DSC2: variants seen among roughly 807,000 people sequenced by gnomAD.
DSC2 encodes desmocollin 2, also known as desmocollin-2.
Under a neutral mutation model 87.6 loss-of-function variants are expected in DSC2, and 51 were observed. The observed-to-expected ratio is 0.58, with a 90% CI of 0.46 to 0.74. The LOEUF is 0.74. Ranked by LOEUF, DSC2 falls within the 30% of genes least tolerant of loss-of-function variation. The pLI is 0.00. For missense variants in DSC2, 1,066 were observed against 1,089.5 expected (o/e 0.98, Z 0.30); for synonymous variants, 383 against 393.2 (o/e 0.97, Z 0.31).
chr18:31,098,420 A>G (rs1987831399), intron 1 of DSC2, among the ~76,000 whole-genome samples: 1 of 152,090 alleles, frequency 6.6e-6, no homozygotes, highest in Non-Finnish European at 1.5e-5. Context: ...AGCCATATAC[A>G]ATGTTTATGG....
chr18:31,085,876 G>A (rs1346638762), intron 7 of DSC2, among the ~76,000 whole-genome samples: 2 of 152,042 alleles, frequency 1.3e-5, no homozygotes, highest in African/African-American at 2.4e-5. Flanking sequence ...CTAAGTGAAT[G>A]AATTACTAAG....
intron 7 of DSC2, among the ~76,000 whole-genome samples, chr18:31,085,438 CTGT>C (rs893810215): frequency 5.3e-5 from 8 of 151,460 alleles, no homozygotes; most frequent in Non-Finnish European, 1.2e-4. Flanking sequence ...AGAATTTTAA[CTGT>C]TAACATGTAA....
Position 31,086,651 on chromosome 18 carries a change from T to A in DSC2, c.867A>T (p.Pro289=). 1 of 1,614,204 alleles carries A rather than the reference T, an allele frequency of 6.2e-7. No individual in the cohort carries two copies. The highest frequency in any genetic ancestry group is 8.5e-7 in the Non-Finnish European group (1 of 1,180,026). ...RLKYSIIGQV[P]PSPTLFSMHP... is the part of the protein sequence containing the mutation. ...GCATAGAAAATAGGGTGGGTGATGG[T>A]GGCACCTGCCCAATGATGGAGTACT... Residue 289 remains proline (P), a synonymous_variant, in exon 7 of 16, where the codon CCA becomes CCT. Transcript: ENST00000280904.
At position 31,087,757 on chromosome 18, in the gene DSC2, T is replaced by C. The variant is rs371192108; in HGVS notation, c.687A>G (p.Leu229=). 8.1e-6 allele frequency: 13 copies of C among 1,613,746 alleles called. No homozygotes were observed. Among genetic ancestry groups the C allele is most frequent in the African/African-American group, 1.3e-5 (1 of 74,930 alleles). ...DGYTPELPLP[L]IIKIEDENDN... is the part of the protein sequence containing the mutation. Reference sequence around the variant, plus strand: ...CATTTTCATCCTCTATTTTGATTATTAGGGGCAGTGGAAGTTCTGGAGTAT... The same window carrying C: ...CATTTTCATCCTCTATTTTGATTATCAGGGGCAGTGGAAGTTCTGGAGTAT... Residue 229 remains leucine, a synonymous_variant, in exon 6 of 16, where the codon CTA becomes CTG. Transcript: ENST00000280904.
chr18:31,075,022 GA>G, intron 11 of DSC2, 115 bp from the exon 12 acceptor site: 1 of 1,114,384 alleles, frequency 9.0e-7, no homozygotes, highest in South Asian at 1.3e-5. Context: ...AAGTTACAAT[GA>G]CAAGCAGTCA....
At chr18:31,089,653 A>G (rs1479695608) in intron 4 of DSC2, 59 bp from the exon 5 acceptor site, 2 of 1,523,624 alleles carry the variant, frequency 1.3e-6, no homozygotes, top group African/African-American at 1.4e-5. Flanking sequence ...GCTTTCATCT[A>G]TATATTTATG....
chr18:31,089,569 T>C lies in DSC2; in HGVS notation c.500A>G (p.Tyr167Cys). ...ACCTCTTATGGAATAGTATATGGTA[T>C]AGTTTTGGGCCGTGTCAGATTGAAC... ...QQVQSDTAQN[Y>C]TIYYSIRGPG... is the part of the protein sequence containing the mutation. The change falls in exon 5 of 16, where the codon TAT becomes TGT. Residue 167 changes from tyrosine (Y) to cysteine (C), a missense_variant. Coordinates refer to ENST00000280904, the MANE Select transcript of DSC2 (RefSeq NM_024422.6). The C allele has an allele frequency of 6.2e-7, 1 of 1,613,958 alleles. No homozygotes were observed.
At chr18:31,073,401 A>G (rs1216861016) in intron 12 of DSC2, among the ~76,000 whole-genome samples, 11 of 146,054 alleles carry the variant, frequency 7.5e-5, no homozygotes, top group Non-Finnish European at 1.2e-4. Flanking sequence ...ACACACACAC[A>G]CACGCACACA....
chr18:31,101,085 CG>C (rs11443389), intron 1 of DSC2: 3 of 597,282 alleles, frequency 5.0e-6, no homozygotes, highest in Non-Finnish European at 6.3e-6. Flanking sequence ...GGCGGTGGCG[CG>C]GGGGGCGGGT....
Position 31,086,062 on chromosome 18 carries a change from T to C in DSC2, c.942+514A>G, listed in dbSNP as rs545900339. ...TTAATAGAGAAAGAATATATAAATATCTTTTTAACTAGAAAACATAGAATG... is the reference window on the plus strand; with the variant it reads ...TTAATAGAGAAAGAATATATAAATACCTTTTTAACTAGAAAACATAGAATG... On this transcript the variant is annotated intron_variant, in intron 7 of 15. Transcript: ENST00000280904. 2.4e-4 allele frequency among the ~76,000 whole-genome samples: 36 copies of C among 152,136 alleles called. 1 individual carries two copies. Among genetic ancestry groups the C allele is most frequent in the African/African-American group, 7.9e-4 (33 of 41,526 alleles).
At position 31,061,260 on chromosome 18, in the gene DSC2, C is replaced by T. The variant is rs1413816187; in HGVS notation, c.*6755G>A. On this transcript the variant is annotated 3_prime_UTR_variant, in exon 16 of 16. Transcript: ENST00000280904. ...CAGTGAGTGTTCTGCTCTGTCCTCT[C>T]CCTTGAATCCTAACAAAATAAGTAA... The T allele has an allele frequency of 6.6e-6, 1 of 152,174 alleles. No individual in the cohort carries two copies. The highest frequency in any genetic ancestry group is 1.5e-5 in the Non-Finnish European group (1 of 68,034). The allele number at this position is 152,174 out of a possible 1,614,324, so 9.4% of individuals were successfully genotyped here.
chr18:31,067,302 G>C lies in DSC2; in HGVS notation c.*713C>G, dbSNP rs976533901. ...AAACAGAAAGAGACAGAGAGAAAGA[G>C]AGAGATGCTACTTGACATTTTAAAG... On this transcript the variant is annotated 3_prime_UTR_variant, in exon 16 of 16. Coordinates refer to ENST00000280904, the MANE Select transcript of DSC2 (RefSeq NM_024422.6). The C allele has an allele frequency of 1.3e-5, 2 of 149,236 alleles. No individual in the cohort carries two copies. Among genetic ancestry groups the C allele is most frequent in the Non-Finnish European group, 3.0e-5 (2 of 67,398 alleles). 9.2% of individuals were successfully genotyped at this position (149,236 alleles called of 1,614,324 possible). A position where few individuals can be genotyped will look rare whatever the true frequency, so the allele number is the denominator to read the frequency against.
intron 1 of DSC2, among the ~76,000 whole-genome samples, chr18:31,093,980 T>C (rs1163235980): frequency 6.6e-6 from 1 of 151,914 alleles, no homozygotes; most frequent in Non-Finnish European, 1.5e-5. Context: ...ATATACTGAG[T>C]TCTAGCTTCC....
intron 1 of DSC2, among the ~76,000 whole-genome samples, chr18:31,097,552 C>A (rs1165203601): frequency 1.3e-5 from 2 of 151,228 alleles, no homozygotes; most frequent in African/African-American, 2.4e-5. Flanking sequence ...ATTTAAAAGG[C>A]TATAAGGAAA....
rs1009955575 is a variant in DSC2, at chr18:31,101,612, C to T, written c.69+291G>A. On this transcript the variant is annotated intron_variant, in intron 1 of 15. Coordinates refer to ENST00000280904, the MANE Select transcript of DSC2 (RefSeq NM_024422.6). ...CGCACCCTGCTCCCCGGCGCGTACC[C>T]AGGGGCCACGATTTTGGCTGGGCGA... The T allele has an allele frequency of 9.8e-6, 4 of 407,276 alleles. No homozygotes were observed. In the South Asian group the frequency reaches 1.6e-4, roughly 17 times the overall value. 25.2% of individuals were successfully genotyped at this position (407,276 alleles called of 1,614,324 possible).
At chr18:31,070,023 A>G (rs569535388) in intron 14 of DSC2, among the ~76,000 whole-genome samples, 3 of 152,304 alleles carry the variant, frequency 2.0e-5, no homozygotes, top group African/African-American at 7.2e-5. Context: ...GGAAAATAAC[A>G]AGAACACCAA....
chr18:31,077,067 GA>G (rs1012309376), intron 11 of DSC2, among the ~76,000 whole-genome samples: 22 of 151,694 alleles, frequency 1.5e-4, no homozygotes, highest in Non-Finnish European at 3.1e-4. Context: ...TTCCACAATT[GA>G]AAAAAATATA....
chr18:31,101,168 G>C (rs542378714), intron 1 of DSC2: 2 of 984,822 alleles, frequency 2.0e-6, no homozygotes, highest in African/African-American at 3.5e-5. Context: ...CGAAGATTTA[G>C]GGAACTGAAG....
chr18:31,074,878 T>G lies in DSC2; in HGVS notation c.1693A>C (p.Ile565Leu). Residue 565 changes from isoleucine to leucine, a missense_variant, in exon 12 of 16, where the codon ATT becomes CTT. Coordinates refer to ENST00000280904, the MANE Select transcript of DSC2 (RefSeq NM_024422.6). ...TTATCATTCACGTCTTGAAGTATAA[T>G]GCCCAGTGTCCCCGTACATGTTCTC... Reference protein sequence around the residue: ...GGRTCTGTLGIILQDVNDNSP... With the variant: ...GGRTCTGTLGLILQDVNDNSP... The G allele has an allele frequency of 6.2e-7, 1 of 1,613,894 alleles. No homozygotes were observed. Among genetic ancestry groups the G allele is most frequent in the Non-Finnish European group, 8.5e-7 (1 of 1,179,920 alleles).
Sources: allele counts gnomAD v4.1 joint callset (sites outside exome capture counted in the v4.1 genomes callset), GRCh38; gene constraint gnomAD v4.1.1; transcripts MANE v1.5; gene names NCBI Gene and HGNC (gene_info 2026-07-23, HGNC 2026-07-21).